Variants in BTAF1 observed in about 807,000 individuals in gnomAD.
The protein encoded by BTAF1 is B-TFIID TATA-box binding protein associated factor 1.
In BTAF1, 38 loss-of-function variants were observed where a neutral mutation model predicts 227.1. That is an observed-to-expected ratio of 0.17 (90% CI 0.13 to 0.22). BTAF1 has a LOEUF of 0.22. Among genes scored for constraint, BTAF1 ranks in the 10% least tolerant of loss-of-function variants. The probability of loss-of-function intolerance (pLI) is 1.00; values close to 1 mark genes in which losing one functional copy is unlikely to be tolerated. For missense variants in BTAF1, 1,598 were observed against 2,204.0 expected (o/e 0.73, Z 5.51); for synonymous variants, 742 against 751.9 (o/e 0.99, Z 0.21).
chr10:92,001,302 C>T (rs778900835), intron 25 of BTAF1, among the ~76,000 whole-genome samples: 1 of 152,168 alleles, frequency 6.6e-6, no homozygotes, highest in Non-Finnish European at 1.5e-5. Context: ...CAGAGGTCCA[C>T]AGGGGGGTTC....
Position 91,956,576 on chromosome 10 carries a change from A to G in BTAF1, c.750A>G (p.Ala250=), listed in dbSNP as rs1272405698. 3 of 1,601,464 alleles carry G rather than the reference A, an allele frequency of 1.9e-6. No homozygotes were observed. Among genetic ancestry groups the G allele is most frequent in the Admixed American group, 1.8e-5 (1 of 55,894 alleles). The change falls in exon 7 of 38, where the codon GCA becomes GCG. Residue 250 remains alanine (A), a synonymous_variant. Transcript: ENST00000265990. ...CAGAAGAAAAGAGACGGAAAATAGC[A>G]AATGTTGTTATTAATCAGTCTGCAA... The part of the protein sequence containing the change: ...GEPEEKRRKI[A]NVVINQSAND...
intron 1 of BTAF1, among the ~76,000 whole-genome samples, chr10:91,924,476 G>C (rs1843692556): frequency 6.6e-6 from 1 of 152,098 alleles, no homozygotes; most frequent in East Asian, 1.9e-4. Flanking sequence ...TCGATGGAGG[G>C]GAAACCTGAA....
At chr10:92,027,760 G>A (rs556646564) in intron 37 of BTAF1, among the ~76,000 whole-genome samples, 1 of 152,156 alleles carries the variant, frequency 6.6e-6, no homozygotes, top group East Asian at 1.9e-4. Flanking sequence ...TGCAGATGAT[G>A]GAACTAATAC....
intron 25 of BTAF1, among the ~76,000 whole-genome samples, chr10:92,003,138 A>T (rs1218322721): frequency 1.4e-5 from 2 of 140,422 alleles, no homozygotes; most frequent in Non-Finnish European, 3.1e-5. Flanking sequence ...CTTGGGCGAC[A>T]GAGTGAGACT....
chr10:92,022,488 C>T (rs530466721), intron 34 of BTAF1, among the ~76,000 whole-genome samples: 25 of 152,164 alleles, frequency 1.6e-4, no homozygotes, highest in African/African-American at 5.8e-4. Flanking sequence ...GTGGTGTGGT[C>T]ATAACTCCAA....
intron 18 of BTAF1, among the ~76,000 whole-genome samples, chr10:91,983,644 C>G (rs1034584169): frequency 2.6e-5 from 4 of 152,086 alleles, no homozygotes; most frequent in Non-Finnish European, 5.9e-5. Context: ...TCTGTGAAGC[C>G]CAGGCTGATA....
intron 16 of BTAF1, 22 bp downstream of exon 16, chr10:91,981,814 G>GT: frequency 6.3e-7 from 1 of 1,593,426 alleles, no homozygotes; most frequent in South Asian, 1.1e-5. Context: ...GGGACATAGT[G>GT]TATTTGTGTG....
chr10:91,952,236 T>C (rs538589728), intron 5 of BTAF1, among the ~76,000 whole-genome samples: 15 of 152,276 alleles, frequency 9.9e-5, no homozygotes, highest in African/African-American at 3.4e-4. Flanking sequence ...TACAGCTTAA[T>C]GTGTCAGTAT....
At position 91,984,387 on chromosome 10, in the gene BTAF1, G is replaced by A; in HGVS notation, c.2410G>A (p.Asp804Asn). The A allele has an allele frequency of 6.2e-7, 1 of 1,610,268 alleles. No individual in the cohort carries two copies. Among genetic ancestry groups the A allele is most frequent in the Non-Finnish European group, 8.5e-7 (1 of 1,178,320 alleles). The change falls in exon 19 of 38, where the codon GAT (aspartate) becomes AAT (asparagine). Residue 804 changes from aspartate (D) to asparagine (N), a missense_variant. Coordinates refer to ENST00000265990, the MANE Select transcript of BTAF1 (RefSeq NM_003972.3). ...NRVNNNVLTI[D>N]QASDLVTTVF... ...AGTAAACAACAATGTTTTAACAATA[G>A]ATCAAGCTAGTGACTTGGTGAGTAA...
intron 34 of BTAF1, among the ~76,000 whole-genome samples, chr10:92,022,745 C>T (rs893978723): frequency 1.3e-5 from 2 of 152,130 alleles, no homozygotes; most frequent in Admixed American, 6.5e-5. Context: ...CTGCGTACCA[C>T]ATAGTCACGT....
intron 4 of BTAF1, among the ~76,000 whole-genome samples, chr10:91,949,223 G>T (rs192748727): frequency 3.7e-4 from 57 of 152,252 alleles, no homozygotes; most frequent in African/African-American, 1.3e-3. Context: ...TGAGGTGGGA[G>T]AATTGCTTGA....
chr10:92,026,615 A>G lies in BTAF1; in HGVS notation c.5099A>G (p.Asp1700Gly). The G allele has an allele frequency of 6.2e-7, 1 of 1,613,630 alleles. No individual in the cohort carries two copies. The highest frequency in any genetic ancestry group is 8.5e-7 in the Non-Finnish European group (1 of 1,179,696). Residue 1700 changes from aspartate (D) to glycine (G), a missense_variant, in exon 36 of 38, where the codon GAC (aspartate) becomes GGC (glycine). By Grantham distance (94) the Asp-to-Gly change is moderately conservative. This residue lies in a region of BTAF1 where 205 missense variants were observed against 244.5 expected (regional missense o/e 0.84). Coordinates refer to ENST00000265990, the MANE Select transcript of BTAF1 (RefSeq NM_003972.3). Reference protein sequence around the residue: ...VSRFNNDPSIDVLLLTTHVGG... With the variant: ...VSRFNNDPSIGVLLLTTHVGG... ...AGGTTTAATAATGATCCATCTATAGACGTTCTGTTACTTACCACTCACGTT... is the reference window on the plus strand; with the variant it reads ...AGGTTTAATAATGATCCATCTATAGGCGTTCTGTTACTTACCACTCACGTT...
chr10:92,018,477 G>A (rs944188861), intron 33 of BTAF1, among the ~76,000 whole-genome samples: 4 of 152,198 alleles, frequency 2.6e-5, no homozygotes, highest in Non-Finnish European at 5.9e-5. Flanking sequence ...TACTTTGAGT[G>A]GGAAAGGGTT....
At chr10:92,005,496 C>T (rs925241413) in intron 25 of BTAF1, among the ~76,000 whole-genome samples, 9 of 152,130 alleles carry the variant, frequency 5.9e-5, no homozygotes, top group Non-Finnish European at 1.3e-4. Flanking sequence ...CCAGCAGTTT[C>T]TTTCATTAAT....
chr10:92,011,214 A>G (rs1327437113), intron 29 of BTAF1, 64 bp downstream of exon 29: 3 of 1,516,848 alleles, frequency 2.0e-6, no homozygotes, highest in Non-Finnish European at 2.7e-6. Flanking sequence ...ATATTTTCCC[A>G]CTTTAAAGAT....
At chr10:91,990,063 C>T (rs1848634991) in intron 20 of BTAF1, among the ~76,000 whole-genome samples, 1 of 152,162 alleles carries the variant, frequency 6.6e-6, no homozygotes, top group Admixed American at 6.5e-5. Flanking sequence ...TAATACTTAA[C>T]CAACTTTTTT....
chr10:91,973,657 C>G (rs1847470179), intron 14 of BTAF1, among the ~76,000 whole-genome samples: 1 of 152,012 alleles, frequency 6.6e-6, no homozygotes, highest in African/African-American at 2.4e-5. Flanking sequence ...GTAATCCCAG[C>G]ACTTTGGGAG....
intron 29 of BTAF1, 65 bp downstream of exon 29, chr10:92,011,215 C>T: frequency 6.6e-7 from 1 of 1,515,344 alleles, no homozygotes; most frequent in Non-Finnish European, 8.9e-7. Context: ...TATTTTCCCA[C>T]TTTAAAGATT....
chr10:91,954,762 T>A (rs766166229), intron 6 of BTAF1, among the ~76,000 whole-genome samples: 1 of 152,144 alleles, frequency 6.6e-6, no homozygotes, highest in African/African-American at 2.4e-5. Flanking sequence ...CTTCCTATGT[T>A]GCCTAGGCTG....
Sources: allele counts gnomAD v4.1 joint callset (sites outside exome capture counted in the v4.1 genomes callset), GRCh38; gene constraint gnomAD v4.1.1; regional missense constraint gnomAD v4.1.1; transcripts MANE v1.5; gene names NCBI Gene and HGNC (gene_info 2026-07-23, HGNC 2026-07-21).